The following DEF8 variants were observed in gnomAD, a reference collection of about 807,000 sequenced individuals.
DEF8 encodes DEF-8.
DEF8 carries 38 observed loss-of-function variants against 59.1 expected under a neutral mutation model. That is an observed-to-expected ratio of 0.64 (90% confidence interval 0.50 to 0.84). The LOEUF (loss-of-function observed/expected upper bound fraction) is 0.84. DEF8 is among the 40% of genes least tolerant of loss of function. The pLI, the probability that DEF8 is intolerant of heterozygous loss-of-function variation, is 0.00. For missense variants in DEF8, 557 were observed against 615.2 expected (o/e 0.91, Z 1.00); for synonymous variants, 265 against 250.1 (o/e 1.06, Z -0.56).
intron 4 of DEF8, chr16:89,956,703 C>T (rs890649302): frequency 6.6e-6 from 1 of 152,076 alleles, no homozygotes; most frequent in African/African-American, 2.4e-5. Context: ...GACACGGGGT[C>T]TCGCTCTGTT....
chr16:89,950,535 G>GCC (rs2031838299), intron 2 of DEF8, among the ~76,000 whole-genome samples: 1 of 152,028 alleles, frequency 6.6e-6, no homozygotes, highest in Non-Finnish European at 1.5e-5. Context: ...TTACAGGCAT[G>GCC]CACCACCATG....
intron 6 of DEF8, among the ~76,000 whole-genome samples, chr16:89,959,760 G>C (rs148550197): frequency 0.02 from 2,982 of 152,290 alleles, 60 homozygotes; most frequent in South Asian, 0.082. Flanking sequence ...GCCTCCCAAA[G>C]TGCTGGGATT....
Position 89,949,915 on chromosome 16 carries a change from C to G in DEF8, c.-11+402C>G, listed in dbSNP as rs543250984. Among the ~76,000 whole-genome samples the G allele has an allele frequency of 1.9e-4, 29 of 152,332 alleles. No individual in the cohort carries two copies. The East Asian group carries it at 5.4e-3, about 28-fold the overall frequency. On this transcript the variant is annotated intron_variant, in intron 2 of 12. Transcript: ENST00000563594. The stretch of plus-strand genomic sequence containing the variant: ...AGGCTGGCGTTCTGCTCAGAGTCGG[C>G]CACTGTGGCCGGCATCCCCAGGTCT...
rs371438356 is a variant in DEF8 at position 89,963,962 on chromosome 16, G to C, written c.1003-208G>C. 9.5e-5 allele frequency: 64 copies of C among 676,898 alleles called. 1 individual carries two copies. In the South Asian group the frequency reaches 9.7e-4, roughly 10 times the overall value. 41.9% of individuals were successfully genotyped at this position (676,898 alleles called of 1,614,324 possible). A position where few individuals can be genotyped will look rare whatever the true frequency, so the allele number is the denominator to read the frequency against. ...GGGGCTGCCTTAGGGAGTGGAGGGCGGGGGGCTACACAGGTCAGGAAACGT... is the reference window on the plus strand; with the variant it reads ...GGGGCTGCCTTAGGGAGTGGAGGGCCGGGGGCTACACAGGTCAGGAAACGT... On this transcript the variant is annotated intron_variant, in intron 10 of 12. Coordinates refer to ENST00000563594, the MANE Select transcript of DEF8 (RefSeq NM_001242818.2).
chr16:89,961,306 C>T (rs1479290215), intron 7 of DEF8, among the ~76,000 whole-genome samples: 1 of 152,226 alleles, frequency 6.6e-6, no homozygotes, highest in African/African-American at 2.4e-5. Context: ...CCGTGACTCA[C>T]CCAGGTCACT....
At chr16:89,949,652 G>A (rs756908927) in intron 2 of DEF8, 139 bp downstream of exon 2, 2 of 1,601,880 alleles carry the variant, frequency 1.2e-6, no homozygotes, top group Non-Finnish European at 1.7e-6. Flanking sequence ...CGTGCATCCC[G>A]CGTGTCCTGA....
chr16:89,949,192 C>T (rs903132795), intron 1 of DEF8, among the ~76,000 whole-genome samples: 1 of 151,608 alleles, frequency 6.6e-6, no homozygotes, highest in African/African-American at 2.4e-5. Flanking sequence ...CCCGGGGACG[C>T]CGCCGCTGCT....
Position 89,954,153 on chromosome 16 carries a change from C to T in DEF8, c.-10-90C>T, listed in dbSNP as rs2032701224. 5 of 1,473,612 alleles carry T rather than the reference C, an allele frequency of 3.4e-6. No homozygotes were observed. Among genetic ancestry groups the T allele is most frequent in the African/African-American group, 1.4e-5 (1 of 71,730 alleles). 91.3% of individuals were successfully genotyped at this position (1,473,612 alleles called of 1,614,324 possible). A position where few individuals can be genotyped will look rare whatever the true frequency, so the allele number is the denominator to read the frequency against. On this transcript the variant is annotated intron_variant, in intron 2 of 12. Coordinates refer to ENST00000563594, the MANE Select transcript of DEF8 (RefSeq NM_001242818.2). The surrounding 1 kb of genome is among the most constrained non-coding windows in gnomAD (Gnocchi z 4.3). ...AGGGAAGTGAAAGAGGCCAGCCTCA[C>T]CCCAGACACCCCAGTGTGGTTGGGG...
At position 89,949,446 on chromosome 16, in the gene DEF8, T is replaced by C. The variant is rs1739476001; in HGVS notation, c.-78T>C. 1 of 1,609,292 alleles carries C rather than the reference T, an allele frequency of 6.2e-7. No individual in the cohort carries two copies. Among genetic ancestry groups the C allele is most frequent in the African/African-American group, 1.3e-5 (1 of 74,780 alleles). ...TGCCGAACCCACGGCCAGGCTTCCG[T>C]GGCCAGCAGCCCTAGAGGAATGGCC... On this transcript the variant is annotated 5_prime_UTR_variant, in exon 2 of 13. Transcript: ENST00000563594.
intron 6 of DEF8, 144 bp downstream of exon 6, chr16:89,959,299 A>G (rs2033706128): frequency 2.0e-6 from 3 of 1,500,738 alleles, no homozygotes; most frequent in African/African-American, 1.4e-5. Context: ...CTAAATATGC[A>G]TTTCCTCGTT....
chr16:89,960,262 G>T (rs2033846192), intron 6 of DEF8, among the ~76,000 whole-genome samples: 1 of 152,116 alleles, frequency 6.6e-6, no homozygotes, highest in African/African-American at 2.4e-5. Flanking sequence ...AGAGGGGGAT[G>T]ACTCTGATTG....
chr16:89,967,176 T>C lies in DEF8; in HGVS notation c.*1213T>C. The stretch of plus-strand genomic sequence containing the variant: ...CTTCTGCCTTGGGCAGTGGGGGTGC[T>C]CCTGTCTGTCCTTTTCCCCCACACC... On this transcript the variant is annotated 3_prime_UTR_variant, in exon 13 of 13. Transcript: ENST00000563594. 2.5e-6 allele frequency: 1 copy of C among 397,884 alleles called. No individual in the cohort carries two copies. Among genetic ancestry groups the C allele is most frequent in the Non-Finnish European group, 4.4e-6 (1 of 226,034 alleles). 24.6% of individuals were successfully genotyped at this position (397,884 alleles called of 1,614,324 possible).
intron 12 of DEF8, among the ~76,000 whole-genome samples, chr16:89,965,019 T>A (rs11641675): frequency 0.049 from 7,489 of 152,238 alleles, 323 homozygotes; most frequent in East Asian, 0.24. Context: ...CAGAAGAAAT[T>A]CCTAACACTT....
chr16:89,955,548 C>T (rs972386193), intron 4 of DEF8, among the ~76,000 whole-genome samples: 1 of 152,150 alleles, frequency 6.6e-6, no homozygotes, highest in South Asian at 2.1e-4. Flanking sequence ...CTGCTTCTGT[C>T]CCCTGAGCTC....
chr16:89,964,819 C>A lies in DEF8; in HGVS notation c.1253+244C>A, dbSNP rs147706137. ...TGGGGGATGAGGGGGCTGCCCCTTC[C>A]CAGGTCCCTCCCGGACCAGCCCCTG... On this transcript the variant is annotated intron_variant, in intron 12 of 12. Transcript: ENST00000563594. 8.5e-5 allele frequency among the ~76,000 whole-genome samples: 13 copies of A among 152,336 alleles called. No individual in the cohort carries two copies. The East Asian group carries it at 2.3e-3, about 27-fold the overall frequency.
intron 3 of DEF8, 54 bp from the exon 4 acceptor site, chr16:89,955,115 T>C (rs1273073085): frequency 5.8e-6 from 8 of 1,383,220 alleles, no homozygotes; most frequent in Non-Finnish European, 8.2e-6. Flanking sequence ...CCCTAGGGGA[T>C]GGGAGGCAGG....
intron 5 of DEF8, 61 bp from the exon 6 acceptor site, chr16:89,958,953 G>C (rs1319138939): frequency 6.3e-7 from 1 of 1,588,212 alleles, no homozygotes; most frequent in African/African-American, 1.3e-5. Context: ...GGGCTTGTGC[G>C]AAGGGAAAGG....
chr16:89,962,095 C>T lies in DEF8; in HGVS notation c.891C>T (p.Phe297=). 1 of 1,613,978 alleles carries T rather than the reference C, an allele frequency of 6.2e-7. No homozygotes were observed. Among genetic ancestry groups the T allele is most frequent in the Non-Finnish European group, 8.5e-7 (1 of 1,179,972 alleles). Residue 297 remains phenylalanine (F), a synonymous_variant, in exon 9 of 13, where the codon TTC becomes TTT. Transcript: ENST00000563594. ...TCCGGGAGATCAACCCTCTGCTGTTCAGCTACGTGGAGGAGCTGGTGGAGA... is the reference window on the plus strand; with the variant it reads ...TCCGGGAGATCAACCCTCTGCTGTTTAGCTACGTGGAGGAGCTGGTGGAGA... ...LRLREINPLL[F]SYVEELVEIR...
At chr16:89,951,832 A>G (rs2032156301) in intron 2 of DEF8, among the ~76,000 whole-genome samples, 1 of 152,126 alleles carries the variant, frequency 6.6e-6, no homozygotes. Context: ...GTATACACAC[A>G]CACACATATA....
Sources: allele counts gnomAD v4.1 joint callset (sites outside exome capture counted in the v4.1 genomes callset), GRCh38; gene constraint gnomAD v4.1.1; non-coding constraint Gnocchi (gnomAD v3.1); transcripts MANE v1.5; gene names NCBI Gene and HGNC (gene_info 2026-07-23, HGNC 2026-07-21).